The following TENM3 variants were observed in gnomAD, a reference collection of about 807,000 sequenced individuals.
The protein encoded by TENM3 is teneurin-3.
Under a neutral mutation model 255.1 loss-of-function variants are expected in TENM3, and 63 were observed. The ratio of observed to expected loss-of-function variants is 0.25; its 90% CI spans 0.20 to 0.30. The LOEUF (loss-of-function observed/expected upper bound fraction) is 0.30, where lower values mean the gene tolerates loss of function less well. Among genes scored for constraint, TENM3 ranks in the 10% least tolerant of loss-of-function variants. The pLI, the probability that TENM3 is intolerant of heterozygous loss-of-function variation, is 1.00. For synonymous variants in TENM3, 1,306 were observed against 1,322.3 expected (o/e 0.99, Z 0.27); for missense variants, 2,929 against 3,461.1 (o/e 0.85, Z 3.86).
chr4:181,791,651 T>C, the TENM3 span, among the ~76,000 whole-genome samples: 1 of 152,338 alleles, frequency 6.6e-6, no homozygotes, highest in South Asian at 2.1e-4. Flanking sequence ...CATTCGGCAG[T>C]AAGGAACTGG....
chr4:182,465,038 A>C (rs372985286), intron 3 of TENM3, among the ~76,000 whole-genome samples: 1 of 152,126 alleles, frequency 6.6e-6, no homozygotes. Flanking sequence ...AATGTCATTG[A>C]GGTACTTTTT....
the TENM3 span, among the ~76,000 whole-genome samples, chr4:181,628,473 C>A: frequency 6.6e-6 from 1 of 152,176 alleles, no homozygotes; most frequent in Non-Finnish European, 1.5e-5. Flanking sequence ...TTAGGTCTGA[C>A]ATTTAAGTCC....
chr4:181,644,791 T>C, the TENM3 span, among the ~76,000 whole-genome samples: 2 of 152,118 alleles, frequency 1.3e-5, no homozygotes, highest in African/African-American at 4.8e-5. Context: ...CTCCTTGTAG[T>C]CCAATCTCTG....
At chr4:182,354,028 G>T (rs1037385816) in intron 3 of TENM3, among the ~76,000 whole-genome samples, 4 of 151,598 alleles carry the variant, frequency 2.6e-5, no homozygotes, top group Non-Finnish European at 4.4e-5. Context: ...TATGAAACTA[G>T]AACTGAAACA....
intron 3 of TENM3, among the ~76,000 whole-genome samples, chr4:182,412,565 A>G (rs2151088496): frequency 6.6e-6 from 1 of 152,302 alleles, no homozygotes; most frequent in Middle Eastern, 3.4e-3. Flanking sequence ...TAACATCCAT[A>G]AAAGAATAAG....
chr4:182,279,424 A>G (rs1003762566), intron 1 of TENM3, among the ~76,000 whole-genome samples: 40 of 152,306 alleles, frequency 2.6e-4, no homozygotes, highest in African/African-American at 8.9e-4. Flanking sequence ...TGTATTGGAC[A>G]TACATGTAGA....
chr4:182,669,342 T>C (rs1755005274), intron 6 of TENM3, among the ~76,000 whole-genome samples: 1 of 152,112 alleles, frequency 6.6e-6, no homozygotes, highest in Non-Finnish European at 1.5e-5. Context: ...CGATCTCGGC[T>C]CACTGCAAGC....
the TENM3 span, among the ~76,000 whole-genome samples, chr4:182,073,995 T>C: frequency 6.6e-6 from 1 of 152,168 alleles, no homozygotes; most frequent in African/African-American, 2.4e-5. Flanking sequence ...TAGGATAAGA[T>C]TTTCCTCTGA....
intron 3 of TENM3, among the ~76,000 whole-genome samples, chr4:182,392,185 C>G (rs555441983): frequency 6.6e-6 from 1 of 152,304 alleles, no homozygotes; most frequent in African/African-American, 2.4e-5. Flanking sequence ...AGTGAAGGGT[C>G]GTTCTTCCTC....
the TENM3 span, among the ~76,000 whole-genome samples, chr4:181,743,184 A>G: frequency 6.6e-6 from 1 of 152,146 alleles, no homozygotes; most frequent in Non-Finnish European, 1.5e-5. Context: ...TCCTTTGGGT[A>G]TATACCCAGT....
At chr4:182,244,606 A>C (rs919477404) in intron 1 of TENM3, among the ~76,000 whole-genome samples, 3 of 152,200 alleles carry the variant, frequency 2.0e-5, no homozygotes, top group African/African-American at 4.8e-5. Flanking sequence ...CAAGAGGAGA[A>C]TATGAAGAGG....
At chr4:182,653,970 C>T in intron 6 of TENM3, 77 bp downstream of exon 6, 1 of 1,420,104 alleles carries the variant, frequency 7.0e-7, no homozygotes, top group Non-Finnish European at 9.5e-7. Context: ...CCCATGCTTA[C>T]ATCTAGTTTA....
intron 12 of TENM3, among the ~76,000 whole-genome samples, chr4:182,689,839 A>G (rs1179586025): frequency 2.6e-5 from 4 of 152,240 alleles, no homozygotes; most frequent in Non-Finnish European, 5.9e-5. Context: ...TTCTTAAAAC[A>G]TGATGAGTTT....
chr4:182,156,709 C>T (rs2149603070), intron 1 of TENM3, among the ~76,000 whole-genome samples: 1 of 151,482 alleles, frequency 6.6e-6, no homozygotes, highest in African/African-American at 2.4e-5. Flanking sequence ...AATTACAAGT[C>T]AATATAAATA....
intron 1 of TENM3, among the ~76,000 whole-genome samples, chr4:182,185,857 G>A (rs1753115952): frequency 6.6e-6 from 1 of 152,144 alleles, no homozygotes; most frequent in South Asian, 2.1e-4. Flanking sequence ...ATGAAACAGC[G>A]GTTGTACATA....
chr4:182,505,342 G>A (rs750292856), intron 3 of TENM3, among the ~76,000 whole-genome samples: 2 of 152,054 alleles, frequency 1.3e-5, no homozygotes, highest in African/African-American at 2.4e-5. Context: ...AAAACTGCCA[G>A]ATAGCATTCC....
intron 23 of TENM3, among the ~76,000 whole-genome samples, chr4:182,774,502 G>T (rs1764519994): frequency 6.6e-6 from 1 of 152,110 alleles, no homozygotes; most frequent in Non-Finnish European, 1.5e-5. Flanking sequence ...CCTTTCAAAG[G>T]ATCTTTGACA....
At chr4:181,567,537 T>C in the TENM3 span, among the ~76,000 whole-genome samples, 1 of 152,220 alleles carries the variant, frequency 6.6e-6, no homozygotes, top group Non-Finnish European at 1.5e-5. Context: ...ATAGACAGTT[T>C]CTACCAAAAC....
At chr4:182,644,983 T>A (rs1752620393) in intron 5 of TENM3, among the ~76,000 whole-genome samples, 1 of 152,060 alleles carries the variant, frequency 6.6e-6, no homozygotes, top group Non-Finnish European at 1.5e-5. Flanking sequence ...ACTCATTAAT[T>A]TTATAGATGA....
Sources: allele counts gnomAD v4.1 joint callset (sites outside exome capture counted in the v4.1 genomes callset), GRCh38; gene constraint gnomAD v4.1.1; transcripts MANE v1.5; gene names NCBI Gene and HGNC (gene_info 2026-07-23, HGNC 2026-07-21).